The following SOCS7 variants were observed in gnomAD, a reference collection of about 807,000 sequenced individuals.
SOCS7 encodes the protein NAP-4.
Under a neutral mutation model 58.9 loss-of-function variants are expected in SOCS7, and 18 were observed. The observed-to-expected ratio is 0.31, with a 90% CI of 0.21 to 0.45. The LOEUF is 0.45. Ranked by LOEUF, SOCS7 falls within the 20% of genes least tolerant of loss-of-function variation. The probability of loss-of-function intolerance (pLI) is 1.00; values close to 1 mark genes in which losing one functional copy is unlikely to be tolerated. For missense variants in SOCS7, 667 were observed against 837.3 expected (o/e 0.80, Z 2.51); for synonymous variants, 388 against 364.3 (o/e 1.06, Z -0.74).
At position 38,402,860 on chromosome 17, in the gene SOCS7, C is replaced by T. The variant is rs1367803121; in HGVS notation, c.*3378C>T. On this transcript the variant is annotated 3_prime_UTR_variant, in exon 10 of 10. Transcript: ENST00000612932. ...TCAGTGGCCTCAGTGCCTGCATAAC[C>T]CTCACCTGTTTATGACTGATCTACT... 6.6e-6 allele frequency: 1 copy of T among 152,172 alleles called. No homozygotes were observed. The highest frequency in any genetic ancestry group is 1.5e-5 in the Non-Finnish European group (1 of 68,040). 9.4% of individuals were successfully genotyped at this position (152,172 alleles called of 1,614,324 possible).
Position 38,352,057 on chromosome 17 carries a change from A to T in SOCS7, c.5A>T (p.Gln2Leu), listed in dbSNP as rs1419526536. Among the ~76,000 whole-genome samples, 2 of 147,428 alleles carry T rather than the reference A, an allele frequency of 1.4e-5. No homozygotes were observed. The highest frequency in any genetic ancestry group is 3.0e-5 in the Non-Finnish European group (2 of 66,560). ...CGCCCTCCCTCCCTCTCCCCGATGC[A>T]GGAGGCCGAGCTCCGGGATGGCGAG... M[Q>L]EAELRDGEAA... The change falls in exon 1 of 10, where the codon CAG becomes CTG. Residue 2 changes from glutamine to leucine, a missense_variant. Around this residue, in one of 9 missense-constraint regions of SOCS7, gnomAD observed 65 missense variants for 51.0 expected, o/e 1.27. Transcript: ENST00000612932. The surrounding 1 kb of genome is among the most constrained non-coding windows in gnomAD (Gnocchi z 5.5).
Position 38,367,022 on chromosome 17 carries a change from C to T in SOCS7, c.1383+605C>T, listed in dbSNP as rs41411544. Among the ~76,000 whole-genome samples the T allele has an allele frequency of 3.0e-3, 452 of 152,188 alleles. 2 individuals carry two copies. Among genetic ancestry groups the T allele is most frequent in the Admixed American group, 5.2e-3 (79 of 15,282 alleles). On this transcript the variant is annotated intron_variant, in intron 5 of 9. Coordinates refer to ENST00000612932, the MANE Select transcript of SOCS7 (RefSeq NM_014598.4). ...CTTTTCTTGGTAGGGTCTTTGGTAA[C>T]AAAATTGTAGAATTATTATTCTTTG...
Position 38,352,810 on chromosome 17 carries a change from C to G in SOCS7, c.758C>G (p.Pro253Arg). 2 of 1,555,188 alleles carry G rather than the reference C, an allele frequency of 1.3e-6. No homozygotes were observed. The highest frequency in any genetic ancestry group is 1.7e-6 in the Non-Finnish European group (2 of 1,150,118). Residue 253 changes from proline (P) to arginine (R), a missense_variant, in exon 1 of 10, where the codon CCC becomes CGC. Physicochemically the swap from Pro to Arg is moderately radical, Grantham distance 103. Around this residue, in one of 9 missense-constraint regions of SOCS7, gnomAD observed 208 missense variants for 190.3 expected, o/e 1.09. Coordinates refer to ENST00000612932, the MANE Select transcript of SOCS7 (RefSeq NM_014598.4). The surrounding 1 kb of genome is among the most constrained non-coding windows in gnomAD (Gnocchi z 5.5). The stretch of plus-strand genomic sequence containing the variant: ...CAGCAGCAGCAGCAGCAGCAACCTC[C>G]CCCGCCCCCGCCTCCTCCCGGGCCC... ...EQQQQQQQQP[P>R]PPPPPPGPLR...
intron 1 of SOCS7, among the ~76,000 whole-genome samples, chr17:38,356,121 C>G (rs990183408): frequency 2.6e-5 from 4 of 151,900 alleles, no homozygotes; most frequent in Non-Finnish European, 5.9e-5. Context: ...GAACTCCTGA[C>G]CTCAGGTGAT....
chr17:38,368,325 C>T (rs996138222), intron 6 of SOCS7, among the ~76,000 whole-genome samples: 5 of 151,982 alleles, frequency 3.3e-5, no homozygotes, highest in Admixed American at 6.6e-5. Flanking sequence ...GAGAGGCTCC[C>T]GAGAAATGAG....
chr17:38,363,745 T>G (rs924645407), intron 2 of SOCS7, among the ~76,000 whole-genome samples: 1 of 152,096 alleles, frequency 6.6e-6, no homozygotes, highest in Admixed American at 6.6e-5. Flanking sequence ...TTGGTAGATA[T>G]TGGTCACCTC....
At chr17:38,379,680 A>G (rs1411982197) in intron 7 of SOCS7, among the ~76,000 whole-genome samples, 1 of 152,104 alleles carries the variant, frequency 6.6e-6, no homozygotes, top group African/African-American at 2.4e-5. Flanking sequence ...TGAATAAGGC[A>G]TGACAGGGTG....
At chr17:38,362,318 A>G (rs946294817) in intron 2 of SOCS7, among the ~76,000 whole-genome samples, 17 of 152,208 alleles carry the variant, frequency 1.1e-4, no homozygotes, top group African/African-American at 4.1e-4. Context: ...GCAGCAGGGA[A>G]CACAGTTGCT....
intron 7 of SOCS7, among the ~76,000 whole-genome samples, chr17:38,379,900 C>A (rs1436673063): frequency 3.3e-5 from 5 of 152,090 alleles, no homozygotes; most frequent in Admixed American, 3.3e-4. Context: ...AAATAAGCTA[C>A]CTTTCTGCCT....
In SOCS7 at chr17:38,366,384, C is replaced by T. The variant is rs770931713; in HGVS notation, c.1350C>T (p.Ser450=). 2.3e-5 allele frequency: 37 copies of T among 1,614,136 alleles called. 2 individuals carry two copies. In the South Asian group the frequency reaches 3.5e-4, roughly 15 times the overall value. Residue 450 remains serine (S), a synonymous_variant, in exon 5 of 10, where the codon AGC becomes AGT. Transcript: ENST00000612932. The stretch of plus-strand genomic sequence containing the variant: ...GTCCCCTCTACCGGCCTGACTCGAG[C>T]AGCTTTGCAGCCAGCCTTCGAGAGT... ...LQCPLYRPDS[S]SFAASLRELE... is the part of the protein sequence containing the mutation.
At chr17:38,376,677 A>T (rs1475063724) in intron 6 of SOCS7, among the ~76,000 whole-genome samples, 1 of 151,902 alleles carries the variant, frequency 6.6e-6, no homozygotes, top group Non-Finnish European at 1.5e-5. Flanking sequence ...GGTTGCAGTG[A>T]GCCAAGATCA....
At chr17:38,366,171 C>T in intron 4 of SOCS7, 116 bp from the exon 5 acceptor site, 2 of 1,427,010 alleles carry the variant, frequency 1.4e-6, no homozygotes, top group African/African-American at 1.4e-5. Flanking sequence ...CCCTTTCCAG[C>T]TTAGCTTCTA....
intron 7 of SOCS7, among the ~76,000 whole-genome samples, chr17:38,379,513 A>G (rs2037975100): frequency 6.6e-6 from 1 of 152,116 alleles, no homozygotes; most frequent in African/African-American, 2.4e-5. Flanking sequence ...ACAACTTAAA[A>G]TGAGAACTTC....
At chr17:38,393,651 A>C (rs1048528111) in intron 7 of SOCS7, among the ~76,000 whole-genome samples, 23 of 149,164 alleles carry the variant, frequency 1.5e-4, no homozygotes, top group Non-Finnish European at 2.1e-4. Flanking sequence ...AAAACAAACA[A>C]ACACTTTGGG....
intron 7 of SOCS7, among the ~76,000 whole-genome samples, chr17:38,386,471 C>G (rs1208180022): frequency 6.6e-6 from 1 of 151,502 alleles, no homozygotes; most frequent in Non-Finnish European, 1.5e-5. Flanking sequence ...CAGAAACAAA[C>G]AAAAAAACTG....
chr17:38,380,172 A>G (rs1235344340), intron 7 of SOCS7, among the ~76,000 whole-genome samples: 3 of 152,206 alleles, frequency 2.0e-5, no homozygotes, highest in African/African-American at 7.2e-5. Flanking sequence ...GTCTGCAGAT[A>G]TTTTAACCAA....
In SOCS7 at chr17:38,389,870, T is replaced by TATATATATGTAC. The variant is rs1567750830; in HGVS notation, c.1682-5431_1682-5430insGTACATATATAT. On this transcript the variant is annotated intron_variant, in intron 7 of 9. Coordinates refer to ENST00000612932, the MANE Select transcript of SOCS7 (RefSeq NM_014598.4). Reference sequence around the variant, plus strand: ...TTTGTTTGGTGTGTATGTGTGTACATATATATATATATGTACATATATATA... The same window carrying TATATATATGTAC: ...TTTGTTTGGTGTGTATGTGTGTACATATATATATGTACATATATATATATGTACATATATATA... Among the ~76,000 whole-genome samples the TATATATATGTAC allele has an allele frequency of 8.1e-4, 77 of 95,310 alleles. 6 individuals carry two copies. Among genetic ancestry groups the TATATATATGTAC allele is most frequent in the African/African-American group, 3.2e-3 (74 of 22,832 alleles). The allele number at this position is 95,310 out of a possible 152,430, so 62.5% of individuals were successfully genotyped here.
At chr17:38,370,045 T>C (rs182375443) in intron 6 of SOCS7, among the ~76,000 whole-genome samples, 95 of 152,144 alleles carry the variant, frequency 6.2e-4, no homozygotes, top group African/African-American at 2.3e-3. Context: ...CCCGCCTTGG[T>C]CTCCCAAAGT....
At chr17:38,370,138 C>T (rs1468421346) in intron 6 of SOCS7, among the ~76,000 whole-genome samples, 2 of 151,878 alleles carry the variant, frequency 1.3e-5, no homozygotes, top group Non-Finnish European at 2.9e-5. Context: ...GCTGGGATTA[C>T]AGGTGTGCAC....
Sources: allele counts gnomAD v4.1 joint callset (sites outside exome capture counted in the v4.1 genomes callset), GRCh38; gene constraint gnomAD v4.1.1; regional missense constraint gnomAD v4.1.1; non-coding constraint Gnocchi (gnomAD v3.1); transcripts MANE v1.5; gene names NCBI Gene and HGNC (gene_info 2026-07-23, HGNC 2026-07-21).